Variants in COLEC12 observed in about 807,000 individuals in gnomAD.
The protein encoded by COLEC12 is collectin subfamily member 12, also known as collectin-12.
In COLEC12, 33 loss-of-function variants were observed where a neutral mutation model predicts 71.1. The ratio of observed to expected loss-of-function variants is 0.46; its 90% CI spans 0.35 to 0.62. The LOEUF (loss-of-function observed/expected upper bound fraction) is 0.62. COLEC12 is among the 20% of genes least tolerant of loss of function. COLEC12 has a pLI of 0.00. For synonymous variants in COLEC12, 350 were observed against 353.0 expected (o/e 0.99, Z 0.10); for missense variants, 765 against 916.1 (o/e 0.84, Z 2.13).
At chr18:360,273 C>T (rs1290390500) in intron 2 of COLEC12, among the ~76,000 whole-genome samples, 1 of 151,696 alleles carries the variant, frequency 6.6e-6, no homozygotes, top group Non-Finnish European at 1.5e-5. Context: ...ACCTCTGCCT[C>T]CCGGGTTCAA....
chr18:404,502 G>A (rs544349812), intron 2 of COLEC12, among the ~76,000 whole-genome samples: 3 of 152,286 alleles, frequency 2.0e-5, no homozygotes, highest in African/African-American at 7.2e-5. Flanking sequence ...ACAGGATGGA[G>A]TCACACATGA....
intron 4 of COLEC12, among the ~76,000 whole-genome samples, chr18:347,698 G>T (rs1245636210): frequency 6.6e-6 from 1 of 152,072 alleles, no homozygotes; most frequent in Non-Finnish European, 1.5e-5. Context: ...AATATGCTAG[G>T]ATCTTTCACT....
intron 2 of COLEC12, among the ~76,000 whole-genome samples, chr18:374,292 T>C (rs747727611): frequency 4.6e-5 from 7 of 152,226 alleles, no homozygotes; most frequent in Non-Finnish European, 1.0e-4. Context: ...ACAGATATTA[T>C]GGACTTTTAA....
At chr18:499,640 C>T (rs940134355) in intron 1 of COLEC12, among the ~76,000 whole-genome samples, 1 of 152,212 alleles carries the variant, frequency 6.6e-6, no homozygotes, top group African/African-American at 2.4e-5. Context: ...ACCACGCGGG[C>T]CCATTCCTGA....
At chr18:404,471 A>G (rs2143622067) in intron 2 of COLEC12, among the ~76,000 whole-genome samples, 1 of 152,294 alleles carries the variant, frequency 6.6e-6, no homozygotes, top group South Asian at 2.1e-4. Context: ...GTGTTACTGA[A>G]TAAAGCAAAA....
intron 2 of COLEC12, among the ~76,000 whole-genome samples, chr18:453,864 C>T (rs528224443): frequency 6.6e-6 from 1 of 152,246 alleles, no homozygotes; most frequent in South Asian, 2.1e-4. Flanking sequence ...CACCCTTAAT[C>T]TCACTCTTTC....
At chr18:499,978 G>C (rs1598384781) in intron 1 of COLEC12, among the ~76,000 whole-genome samples, 1 of 152,362 alleles carries the variant, frequency 6.6e-6, no homozygotes, top group East Asian at 1.9e-4. Flanking sequence ...TCCCGAGCCA[G>C]CTGAACTCCT....
intron 2 of COLEC12, among the ~76,000 whole-genome samples, chr18:372,081 G>C (rs1915012427): frequency 6.6e-6 from 1 of 152,084 alleles, no homozygotes; most frequent in Non-Finnish European, 1.5e-5. Flanking sequence ...CCAACACTGT[G>C]AACCAGACAC....
At chr18:370,375 T>C (rs1057267236) in intron 2 of COLEC12, among the ~76,000 whole-genome samples, 1 of 152,180 alleles carries the variant, frequency 6.6e-6, no homozygotes, top group Non-Finnish European at 1.5e-5. Context: ...AGCTCCTAAT[T>C]ACAGTTGTAA....
chr18:442,829 C>T (rs1009210981), intron 2 of COLEC12, among the ~76,000 whole-genome samples: 3 of 152,216 alleles, frequency 2.0e-5, no homozygotes, highest in Non-Finnish European at 2.9e-5. Context: ...GGCGTGGCGG[C>T]ACGCGCCTGT....
At chr18:444,518 A>G (rs900794476) in intron 2 of COLEC12, among the ~76,000 whole-genome samples, 3 of 152,244 alleles carry the variant, frequency 2.0e-5, no homozygotes, top group Admixed American at 6.5e-5. Context: ...AATGTAAAAT[A>G]TAAGAAGCAG....
In COLEC12 at chr18:463,662, C is replaced by G. The variant is rs114652513; in HGVS notation, c.58+17045G>C. 1.6e-3 allele frequency among the ~76,000 whole-genome samples: 245 copies of G among 152,204 alleles called. 1 individual carries two copies. The highest frequency in any genetic ancestry group is 4.6e-3 in the African/African-American group (189 of 41,522). Reference sequence around the variant, plus strand: ...CTATCAGTTACACAGTCAGAGCCAGCGACATCTCGGAGTCACAGATAAAAG... The same window carrying G: ...CTATCAGTTACACAGTCAGAGCCAGGGACATCTCGGAGTCACAGATAAAAG... On this transcript the variant is annotated intron_variant, in intron 2 of 9. Transcript: ENST00000400256.
chr18:448,510 A>C (rs1334355518), intron 2 of COLEC12, among the ~76,000 whole-genome samples: 1 of 152,220 alleles, frequency 6.6e-6, no homozygotes, highest in Non-Finnish European at 1.5e-5. Context: ...ATTTTTCTCT[A>C]CTAAGGCTTT....
chr18:381,150 G>A (rs1455073043), intron 2 of COLEC12, among the ~76,000 whole-genome samples: 3 of 152,164 alleles, frequency 2.0e-5, no homozygotes, highest in Middle Eastern at 3.2e-3. Context: ...GCATTGCAAG[G>A]CAGGTGAAGA....
At chr18:381,045 A>G (rs1365389873) in intron 2 of COLEC12, among the ~76,000 whole-genome samples, 2 of 152,150 alleles carry the variant, frequency 1.3e-5, no homozygotes, top group Non-Finnish European at 2.9e-5. Flanking sequence ...CAGAATGTCA[A>G]AAGTGCTGAG....
chr18:467,071 A>C (rs1285729343), intron 2 of COLEC12, among the ~76,000 whole-genome samples: 3 of 152,186 alleles, frequency 2.0e-5, no homozygotes, highest in Non-Finnish European at 4.4e-5. Context: ...TGCAATTATA[A>C]ATAGAAAATA....
rs1188988421 is a variant in COLEC12, at chr18:368,699, CT to C, written c.59-11178del. 5.4e-5 allele frequency among the ~76,000 whole-genome samples: 8 copies of C among 148,502 alleles called. No homozygotes were observed. In the South Asian group the frequency reaches 1.3e-3, roughly 24 times the overall value. On this transcript the variant is annotated intron_variant, in intron 2 of 9. Coordinates refer to ENST00000400256, the MANE Select transcript of COLEC12 (RefSeq NM_130386.3). ...CTAACATGGTGAAACCCCGTCTCCACTAAAAAATACAAAAAAATTAGCCGGG... is the reference window on the plus strand; with the variant it reads ...CTAACATGGTGAAACCCCGTCTCCACAAAAAATACAAAAAAATTAGCCGGG...
rs1221692197 is a variant in COLEC12, at chr18:420,422, G to A, written c.58+60285C>T. On this transcript the variant is annotated intron_variant, in intron 2 of 9. Coordinates refer to ENST00000400256, the MANE Select transcript of COLEC12 (RefSeq NM_130386.3). ...CGGTATTTCCAAGGACACCAAAAAG[G>A]AAAAAAGCCTCACTGGGTTTTATAA... is the stretch of plus-strand genomic sequence containing the variant. 2.6e-5 allele frequency among the ~76,000 whole-genome samples: 4 copies of A among 151,844 alleles called. No individual in the cohort carries two copies. The East Asian group carries it at 5.8e-4, about 22-fold the overall frequency.
intron 2 of COLEC12, among the ~76,000 whole-genome samples, chr18:473,457 G>A (rs1339118180): frequency 2.0e-5 from 3 of 151,990 alleles, no homozygotes; most frequent in Non-Finnish European, 4.4e-5. Flanking sequence ...CCGCCTCCCA[G>A]GTTCAAGTGA....
Sources: gnomAD v4.1 joint callset for allele counts (sites outside exome capture counted in the v4.1 genomes callset) on GRCh38, gnomAD v4.1.1 for gene constraint, MANE v1.5 for transcripts, NCBI Gene and HGNC (gene_info 2026-07-23, HGNC 2026-07-21) for gene names.